The following ZNF106 variants were observed in gnomAD, a reference collection of about 807,000 sequenced individuals.
The protein encoded by ZNF106 is zinc finger protein 106.
In ZNF106, 67 loss-of-function variants were observed where a neutral mutation model predicts 195.1. The ratio of observed to expected loss-of-function variants is 0.34; its 90% confidence interval spans 0.28 to 0.42. ZNF106 has a LOEUF of 0.42. Among genes scored for constraint, ZNF106 ranks in the 10% least tolerant of loss-of-function variants. ZNF106 has a pLI of 1.00. For missense variants in ZNF106, 2,118 were observed against 2,304.5 expected, an observed-to-expected ratio of 0.92 and a Z score of 1.66; for synonymous variants, 784 against 818.6, an observed-to-expected ratio of 0.96 and a Z score of 0.72.
intron 10 of ZNF106, among the ~76,000 whole-genome samples, chr15:42,441,001 ATATATATATATAT>A (rs2055505341): frequency 8.0e-4 from 13 of 16,346 alleles, no homozygotes; most frequent in African/African-American, 1.0e-3. Context: ...AAAAAAAAAT[ATATATATATATAT>A]ATATATATAT....
intron 2 of ZNF106, among the ~76,000 whole-genome samples, chr15:42,470,704 T>C (rs905452377): frequency 3.3e-5 from 5 of 152,154 alleles, no homozygotes; most frequent in Admixed American, 2.6e-4. Flanking sequence ...TATCACAAGA[T>C]AGGGCTGCTA....
chr15:42,449,338 GA>G (rs2055895880), intron 5 of ZNF106, among the ~76,000 whole-genome samples: 1 of 152,200 alleles, frequency 6.6e-6, no homozygotes, highest in African/African-American at 2.4e-5. Flanking sequence ...AGTACATACA[GA>G]AAAGTTAACT....
Position 42,450,276 on chromosome 15 carries a change from A to G in ZNF106, c.1996T>C (p.Cys666Arg), listed in dbSNP as rs770980299. 2.5e-6 allele frequency: 4 copies of G among 1,614,146 alleles called. No homozygotes were observed. Among genetic ancestry groups the G allele is most frequent in the Admixed American group, 1.7e-5 (1 of 59,992 alleles). ...KTSRELSTSP[C>R]NPIVRQKESE... ...TCTTTCTGGCGAACTATGGGATTAC[A>G]TGGGGAAGTGGATAGCTCTCTAGAA... is the stretch of plus-strand genomic sequence containing the variant. Residue 666 changes from cysteine to arginine, a missense_variant, in exon 5 of 22, where the codon TGT (cysteine) becomes CGT (arginine). By Grantham distance (180) the Cys-to-Arg change is radical (BLOSUM62 -3). Transcript: ENST00000564754.
intron 3 of ZNF106, among the ~76,000 whole-genome samples, chr15:42,461,823 G>T (rs567371024): frequency 2.0e-5 from 3 of 152,230 alleles, no homozygotes; most frequent in African/African-American, 7.2e-5. Context: ...ACAAACTCAG[G>T]ATAACAGGGT....
At chr15:42,452,011 A>C in intron 4 of ZNF106, 57 bp from the exon 5 acceptor site, 1 of 1,542,416 alleles carries the variant, frequency 6.5e-7, no homozygotes, top group Non-Finnish European at 8.7e-7. Flanking sequence ...GCTACCTTGA[A>C]AGGCATAACC....
intron 14 of ZNF106, among the ~76,000 whole-genome samples, chr15:42,433,523 C>A (rs1019797527): frequency 2.0e-5 from 3 of 149,490 alleles, no homozygotes; most frequent in African/African-American, 7.5e-5. Flanking sequence ...TGCTCTGTCG[C>A]CCAGGCTGGA....
chr15:42,435,867 G>C (rs923277885), intron 13 of ZNF106, among the ~76,000 whole-genome samples: 5 of 152,064 alleles, frequency 3.3e-5, no homozygotes, highest in African/African-American at 7.2e-5. Flanking sequence ...TCCCACAAAA[G>C]ATGAGCATTT....
At position 42,450,246 on chromosome 15, in the gene ZNF106, C is replaced by A; in HGVS notation, c.2026G>T (p.Glu676Ter). ...CTGGCTGCAGATGTCATTTGTAATT[C>A]AGATTCTTTCTGGCGAACTATGGGA... ...CNPIVRQKES[E>*]LQMTSAASPH... is the part of the protein sequence containing the mutation. The change falls in exon 5 of 22, where the codon GAA (glutamate) becomes TAA (stop). Residue 676 changes from glutamate to a stop codon, truncating the protein, a stop_gained. Transcript: ENST00000564754. LOFTEE classifies it high-confidence loss of function. 6.2e-7 allele frequency: 1 copy of A among 1,614,154 alleles called. No individual in the cohort carries two copies. Among genetic ancestry groups the A allele is most frequent in the Non-Finnish European group, 8.5e-7 (1 of 1,180,030 alleles).
In ZNF106 at chr15:42,450,830, G is replaced by A. The variant is rs1595469230; in HGVS notation, c.1442C>T (p.Pro481Leu). 2 of 1,614,170 alleles carry A rather than the reference G, an allele frequency of 1.2e-6. No homozygotes were observed. Among genetic ancestry groups the A allele is most frequent in the Admixed American group, 1.7e-5 (1 of 60,018 alleles). The change falls in exon 5 of 22, where the codon CCA becomes CTA. Residue 481 changes from proline to leucine, a missense_variant. Transcript: ENST00000564754. The part of the protein sequence containing the change: ...PSLKSPLLPC[P>L]ATKSLSQKQD... Reference sequence around the variant, plus strand: ...CTTTTGAGACAATGATTTAGTGGCTGGACATGGAAGGAGTGGGGATTTCAA... The same window carrying A: ...CTTTTGAGACAATGATTTAGTGGCTAGACATGGAAGGAGTGGGGATTTCAA...
rs2055781659 is a variant in ZNF106 at position 42,446,612 on chromosome 15, C to T, written c.3182G>A (p.Arg1061Lys). ...ELPSLERKNK[R>K]RKIKGKKERS... ...ACCTTTTTTTCCTTTAATTTTCCTT[C>T]TTTTATTTTTTCTCTCAAGACTTGG... The change falls in exon 7 of 22, where the codon AGA becomes AAA. Residue 1061 changes from arginine (R) to lysine (K), a missense_variant. Physicochemically the swap from Arg to Lys is conservative, Grantham distance 26. Transcript: ENST00000564754. 1.2e-6 allele frequency: 2 copies of T among 1,601,202 alleles called. No homozygotes were observed. Among genetic ancestry groups the T allele is most frequent in the Non-Finnish European group, 1.7e-6 (2 of 1,172,062 alleles).
Position 42,450,877 on chromosome 15 carries a change from A to T in ZNF106, c.1395T>A (p.His465Gln). 6.2e-7 allele frequency: 1 copy of T among 1,614,144 alleles called. No homozygotes were observed. The highest frequency in any genetic ancestry group is 8.5e-7 in the Non-Finnish European group (1 of 1,180,032). Reference protein sequence around the residue: ...CPTAEKPEQEHTPNKMPSLKS... With the variant: ...CPTAEKPEQEQTPNKMPSLKS... ...TCAATGATGGCATTTTATTTGGTGT[A>T]TGCTCTTGTTCAGGTTTTTCTGCAG... The change falls in exon 5 of 22, where the codon CAT becomes CAA. Residue 465 changes from histidine (H) to glutamine (Q), a missense_variant. By Grantham distance (24) the His-to-Gln change is conservative. Transcript: ENST00000564754.
intron 1 of ZNF106, 44 bp from the exon 2 acceptor site, chr15:42,472,365 C>T (rs2141423659): frequency 7.1e-7 from 1 of 1,414,126 alleles, no homozygotes; most frequent in Non-Finnish European, 9.6e-7. Context: ...CTCCTCAGTA[C>T]CTTCTTACAT....
At chr15:42,419,644 CAT>C (rs1423339418) in intron 20 of ZNF106, among the ~76,000 whole-genome samples, 6 of 152,070 alleles carry the variant, frequency 3.9e-5, no homozygotes, top group African/African-American at 1.4e-4. Context: ...AATTCGAACA[CAT>C]GTTTATTTCT....
At position 42,428,233 on chromosome 15, in the gene ZNF106, C is replaced by T. The variant is rs537250983; in HGVS notation, c.4882-99G>A. The stretch of plus-strand genomic sequence containing the variant: ...AGCAGACTTTAAAATGACTCTTATG[C>T]GGAAGAAAGTGTGACATCCTCTATT... On this transcript the variant is annotated intron_variant, in intron 14 of 21. Coordinates refer to ENST00000564754, the MANE Select transcript of ZNF106 (RefSeq NM_001366845.3). 6.4e-5 allele frequency: 58 copies of T among 899,400 alleles called. 1 individual carries two copies. The African/African-American group carries it at 8.7e-4, about 13-fold the overall frequency. 55.7% of individuals were successfully genotyped at this position (899,400 alleles called of 1,614,324 possible).
chr15:42,463,344 C>T (rs2056436328), intron 3 of ZNF106, among the ~76,000 whole-genome samples: 1 of 152,050 alleles, frequency 6.6e-6, no homozygotes. Context: ...AAGTTGACTG[C>T]ATTTCATAGA....
chr15:42,488,850 G>C (rs1260690301), intron 1 of ZNF106, among the ~76,000 whole-genome samples: 1 of 152,112 alleles, frequency 6.6e-6, no homozygotes, highest in African/African-American at 2.4e-5. Context: ...GCTGAGGTGG[G>C]TGGATCACCT....
intron 15 of ZNF106, among the ~76,000 whole-genome samples, chr15:42,426,427 TCTCA>T (rs1164486766): frequency 2.0e-5 from 3 of 150,168 alleles, no homozygotes; most frequent in Non-Finnish European, 4.4e-5. Context: ...AGAGACAGGG[TCTCA>T]CTCTGTCAGC....
intron 1 of ZNF106, among the ~76,000 whole-genome samples, chr15:42,487,186 TA>T: frequency 1.3e-5 from 2 of 151,388 alleles, no homozygotes; most frequent in Admixed American, 1.3e-4. Flanking sequence ...AAAAAGCTTA[TA>T]GGGAAAATAT....
chr15:42,450,504 T>C lies in ZNF106; in HGVS notation c.1768A>G (p.Arg590Gly). Residue 590 changes from arginine (R) to glycine (G), a missense_variant, in exon 5 of 22, where the codon AGA becomes GGA. Transcript: ENST00000564754. ...KSTRNYAKAS[R>G]NVEESEKGSL... is the part of the protein sequence containing the mutation. ...CCTTTTTCAGATTCTTCTACATTTCTACTTGCTTTTGCATAGTTCCTGGTA... is the reference window on the plus strand; with the variant it reads ...CCTTTTTCAGATTCTTCTACATTTCCACTTGCTTTTGCATAGTTCCTGGTA... 6.2e-7 allele frequency: 1 copy of C among 1,614,046 alleles called. No homozygotes were observed. Among genetic ancestry groups the C allele is most frequent in the Non-Finnish European group, 8.5e-7 (1 of 1,180,000 alleles).
Sources: gnomAD v4.1 joint callset for allele counts (sites outside exome capture counted in the v4.1 genomes callset) on GRCh38, gnomAD v4.1.1 for gene constraint, MANE v1.5 for transcripts, NCBI Gene and HGNC (gene_info 2026-07-23, HGNC 2026-07-21) for gene names.